Variants in RERE observed in about 807,000 individuals in gnomAD.
RERE encodes arginine-glutamic acid dipeptide repeats protein.
In RERE, 40 loss-of-function variants were observed where a neutral mutation model predicts 146.1. The ratio of observed to expected loss-of-function variants is 0.27; its 90% CI spans 0.21 to 0.36. The LOEUF is 0.36. RERE is among the 10% of genes least tolerant of loss of function. The probability of loss-of-function intolerance (pLI) is 1.00; values close to 1 mark genes in which losing one functional copy is unlikely to be tolerated. For synonymous variants in RERE, 1,003 were observed against 866.0 expected (o/e 1.16, Z -2.78); for missense variants, 1,933 against 2,138.7 (o/e 0.90, Z 1.90).
chr1:8,421,714 T>A (rs2124470935), intron 12 of RERE, among the ~76,000 whole-genome samples: 1 of 152,172 alleles, frequency 6.6e-6, no homozygotes, highest in Middle Eastern at 3.4e-3. Context: ...CAACATCCAA[T>A]TAAAAAATTA....
At chr1:8,497,556 A>C in intron 8 of RERE, 27 bp from the exon 9 acceptor site, 1 of 1,613,070 alleles carries the variant, frequency 6.2e-7, no homozygotes, top group Non-Finnish European at 8.5e-7. Context: ...AGTAAGTCAC[A>C]ATCAAGGCAT....
At chr1:8,544,322 C>T (rs1570416858) in intron 6 of RERE, among the ~76,000 whole-genome samples, 1 of 152,086 alleles carries the variant, frequency 6.6e-6, no homozygotes, top group East Asian at 1.9e-4. Context: ...TTTATTATTT[C>T]CTTCTTTGTA....
chr1:8,461,307 T>C (rs1274210295), intron 11 of RERE, among the ~76,000 whole-genome samples: 1 of 152,156 alleles, frequency 6.6e-6, no homozygotes, highest in African/African-American at 2.4e-5. Context: ...ACAGTATTTT[T>C]AGCATAATAT....
intron 11 of RERE, among the ~76,000 whole-genome samples, chr1:8,435,543 A>T (rs1273788178): frequency 6.6e-6 from 1 of 152,198 alleles, no homozygotes; most frequent in Non-Finnish European, 1.5e-5. Flanking sequence ...TTCTTCGTTC[A>T]AACCCACTAG....
chr1:8,559,814 T>C (rs114620448), intron 4 of RERE, among the ~76,000 whole-genome samples: 1,766 of 152,270 alleles, frequency 0.012, 28 homozygotes, highest in African/African-American at 0.04. Context: ...GTCTGGCCTT[T>C]AGTGAGCTTA....
chr1:8,639,887 TCTAAAAA>T (rs1647153894), intron 2 of RERE, among the ~76,000 whole-genome samples: 2 of 152,118 alleles, frequency 1.3e-5, no homozygotes, highest in African/African-American at 4.8e-5. Flanking sequence ...ACAAGTAAAG[TCTAAAAA>T]CTAAATACTG....
At chr1:8,572,009 G>A (rs888515357) in intron 4 of RERE, among the ~76,000 whole-genome samples, 4 of 152,086 alleles carry the variant, frequency 2.6e-5, no homozygotes, top group Admixed American at 6.6e-5. Flanking sequence ...AACAACATAC[G>A]GAAATGTTCA....
intron 11 of RERE, among the ~76,000 whole-genome samples, chr1:8,448,820 C>T (rs1290787822): frequency 6.6e-6 from 1 of 151,582 alleles, no homozygotes; most frequent in Non-Finnish European, 1.5e-5. Flanking sequence ...CAGAGCAAGA[C>T]TCCATCTCAA....
chr1:8,355,272 CCT>C (rs754574231), intron 22 of RERE, 145 bp downstream of exon 22: 179 of 1,137,092 alleles, frequency 1.6e-4, no homozygotes, highest in Middle Eastern at 2.1e-4. Context: ...CACCTCCCTT[CCT>C]CTGTTTCTCC....
intron 8 of RERE, among the ~76,000 whole-genome samples, chr1:8,503,647 TTATC>T (rs1382416267): frequency 1.3e-5 from 2 of 152,278 alleles, no homozygotes; most frequent in South Asian, 2.1e-4. Context: ...ATGTTATTAT[TTATC>T]TAAGAAGGGG....
chr1:8,374,031 C>G (rs1020914115), intron 12 of RERE, among the ~76,000 whole-genome samples: 1 of 152,224 alleles, frequency 6.6e-6, no homozygotes, highest in African/African-American at 2.4e-5. Flanking sequence ...TCTGTGGTCT[C>G]TGAGTGCAGC....
At chr1:8,713,153 T>C (rs765037449) in intron 1 of RERE, among the ~76,000 whole-genome samples, 4 of 152,210 alleles carry the variant, frequency 2.6e-5, no homozygotes, top group Non-Finnish European at 5.9e-5. Flanking sequence ...AGTTTGTCTT[T>C]TGTGGTAATT....
intron 1 of RERE, among the ~76,000 whole-genome samples, chr1:8,697,878 AAGTTCATAT>A (rs1256745378): frequency 3.3e-5 from 5 of 152,208 alleles, no homozygotes; most frequent in African/African-American, 9.7e-5. Flanking sequence ...TAGAAAAAAA[AAGTTCATAT>A]TAGGGAGTAG....
chr1:8,434,260 T>C (rs1194936059), intron 11 of RERE, among the ~76,000 whole-genome samples: 2 of 152,114 alleles, frequency 1.3e-5, no homozygotes, highest in Non-Finnish European at 2.9e-5. Flanking sequence ...CTTCTGATGA[T>C]ATGCTCAGAA....
intron 12 of RERE, among the ~76,000 whole-genome samples, chr1:8,398,144 G>A (rs190936941): frequency 6.6e-6 from 1 of 152,370 alleles, no homozygotes; most frequent in Admixed American, 6.5e-5. Flanking sequence ...TAAAAATGTA[G>A]AGCATTTCCA....
At chr1:8,712,465 C>T (rs2124459948) in intron 1 of RERE, among the ~76,000 whole-genome samples, 1 of 152,236 alleles carries the variant, frequency 6.6e-6, no homozygotes, top group East Asian at 1.9e-4. Context: ...ATACGAGAGC[C>T]CTATCAGCTG....
At chr1:8,471,201 A>G (rs1420135368) in intron 10 of RERE, among the ~76,000 whole-genome samples, 1 of 152,140 alleles carries the variant, frequency 6.6e-6, no homozygotes, top group Non-Finnish European at 1.5e-5. Context: ...CCTTTACAAC[A>G]TTTGGGGAAA....
At chr1:8,562,361 A>T (rs1010852365) in intron 4 of RERE, among the ~76,000 whole-genome samples, 3 of 152,206 alleles carry the variant, frequency 2.0e-5, no homozygotes, top group Non-Finnish European at 4.4e-5. Context: ...TATAAATAAT[A>T]TATTTCAAAC....
Position 8,364,915 on chromosome 1 carries a change from G to A in RERE, c.1448-77C>T. ...CCAAGGCTGGGCCGGTGGGGTGGGGGGGAGGGGGGAACACCTGTGACCTCT... is the reference window on the plus strand; with the variant it reads ...CCAAGGCTGGGCCGGTGGGGTGGGGAGGAGGGGGGAACACCTGTGACCTCT... On this transcript the variant is annotated intron_variant, in intron 13 of 22. Coordinates refer to ENST00000400908, the MANE Select transcript of RERE (RefSeq NM_001042681.2). This position sits in a 1 kb window ranked among gnomAD's most constrained non-coding sequence, Gnocchi z 5.1. The A allele has an allele frequency of 4.5e-6, 3 of 666,154 alleles. No homozygotes were observed. The highest frequency in any genetic ancestry group is 1.6e-5 in the South Asian group (1 of 61,876). The allele number at this position is 666,154 out of a possible 1,614,324, so 41.3% of individuals were successfully genotyped here.
Sources: allele counts gnomAD v4.1 joint callset (sites outside exome capture counted in the v4.1 genomes callset), GRCh38; gene constraint gnomAD v4.1.1; non-coding constraint Gnocchi (gnomAD v3.1); transcripts MANE v1.5; gene names NCBI Gene and HGNC (gene_info 2026-07-23, HGNC 2026-07-21).